The following LRP1B variants were observed in gnomAD, a reference collection of about 807,000 sequenced individuals.
LRP1B encodes low-density lipoprotein receptor-related protein 1B.
A neutral mutation model predicts 556.6 loss-of-function variants in LRP1B; 217 were observed. The observed-to-expected ratio is 0.39, with a 90% confidence interval of 0.35 to 0.44. LRP1B has a LOEUF of 0.44. Among genes scored for constraint, LRP1B ranks in the 20% least tolerant of loss-of-function variants. The probability of loss-of-function intolerance (pLI) is 1.00; values close to 1 mark genes in which losing one functional copy is unlikely to be tolerated. For missense variants in LRP1B, 5,053 were observed against 5,620.8 expected, an observed-to-expected ratio of 0.90 and a Z score of 3.23; for synonymous variants, 2,047 against 1,865.8, an observed-to-expected ratio of 1.10 and a Z score of -2.50.
intron 41 of LRP1B, among the ~76,000 whole-genome samples, chr2:140,657,671 A>G (rs570752568): frequency 3.8e-5 from 5 of 131,116 alleles, no homozygotes; most frequent in African/African-American, 1.4e-4. Flanking sequence ...ATATACATAC[A>G]TATATATATA....
chr2:141,448,993 C>T (rs1247655813), intron 3 of LRP1B, among the ~76,000 whole-genome samples: 1 of 152,164 alleles, frequency 6.6e-6, no homozygotes, highest in Non-Finnish European at 1.5e-5. Context: ...GAGCAATATG[C>T]TTTAAGAATC....
chr2:140,516,652 T>G (rs1689914651), intron 50 of LRP1B, among the ~76,000 whole-genome samples: 1 of 152,136 alleles, frequency 6.6e-6, no homozygotes, highest in Admixed American at 6.6e-5. Flanking sequence ...CTGATGGAAG[T>G]AATTATTCAA....
In LRP1B at chr2:140,541,111, G is replaced by T. The variant is rs2105017508; in HGVS notation, c.7388-13C>A. 1.3e-6 allele frequency: 2 copies of T among 1,598,668 alleles called. No homozygotes were observed. Among genetic ancestry groups the T allele is most frequent in the Non-Finnish European group, 1.7e-6 (2 of 1,168,906 alleles). ...GGAGAAAGTTCACCTACAATAAAGA[G>T]GGTGTATTGGTAACATTTTATATCG... On this transcript the variant is annotated splice_polypyrimidine_tract_variant and intron_variant, in intron 44 of 90. Coordinates refer to ENST00000389484, the MANE Select transcript of LRP1B (RefSeq NM_018557.3).
chr2:142,062,196 G>T (rs1297391940), intron 1 of LRP1B, among the ~76,000 whole-genome samples: 1 of 151,688 alleles, frequency 6.6e-6, no homozygotes, highest in African/African-American at 2.4e-5. Flanking sequence ...ATATTTCTGG[G>T]TCCCTTCCAC....
At chr2:140,717,255 C>T (rs2105466169) in intron 35 of LRP1B, among the ~76,000 whole-genome samples, 1 of 152,054 alleles carries the variant, frequency 6.6e-6, no homozygotes, top group Admixed American at 6.6e-5. Context: ...AACAAAACCT[C>T]AAAGTAGAGA....
rs180868234 is a variant in LRP1B at position 140,342,121 on chromosome 2, A to C, written c.11893-6283T>G. ...GTATTATATAACTATTTATTTGTGA[A>C]TTCATTTTGCCACATATAATTTATA... On this transcript the variant is annotated intron_variant, in intron 77 of 90. Transcript: ENST00000389484. Among the ~76,000 whole-genome samples the C allele has an allele frequency of 1.9e-3, 283 of 151,632 alleles. 1 individual carries two copies. The highest frequency in any genetic ancestry group is 6.5e-3 in the African/African-American group (268 of 41,480).
At chr2:140,591,376 C>G (rs1382515115) in intron 43 of LRP1B, among the ~76,000 whole-genome samples, 1 of 152,178 alleles carries the variant, frequency 6.6e-6, no homozygotes, top group Non-Finnish European at 1.5e-5. Context: ...CAGTTAGGTA[C>G]TCTGCTTCTT....
At chr2:141,286,015 C>T (rs1172171550) in intron 3 of LRP1B, among the ~76,000 whole-genome samples, 18 of 129,854 alleles carry the variant, frequency 1.4e-4, no homozygotes, top group African/African-American at 5.2e-4. Context: ...TGCAGTGAGC[C>T]AAGATCCCGC....
intron 18 of LRP1B, among the ~76,000 whole-genome samples, chr2:140,963,081 G>C (rs923295167): frequency 2.6e-5 from 4 of 152,224 alleles, no homozygotes; most frequent in Admixed American, 2.6e-4. Flanking sequence ...CTGACGTATT[G>C]GTTACATCTT....
At chr2:140,397,135 T>C (rs999244643) in intron 66 of LRP1B, among the ~76,000 whole-genome samples, 3 of 152,170 alleles carry the variant, frequency 2.0e-5, no homozygotes, top group Non-Finnish European at 2.9e-5. Context: ...TTATCTGTTT[T>C]TATTTTTAAT....
intron 2 of LRP1B, among the ~76,000 whole-genome samples, chr2:141,505,090 CCTCTCT>C (rs35936327): frequency 2.6e-4 from 39 of 151,074 alleles, no homozygotes; most frequent in Admixed American, 7.9e-4. Flanking sequence ...ATAAATCCCT[CCTCTCT>C]CTCTCTATCT....
At chr2:141,535,645 A>C (rs902296956) in intron 2 of LRP1B, among the ~76,000 whole-genome samples, 4 of 152,082 alleles carry the variant, frequency 2.6e-5, no homozygotes, top group African/African-American at 9.7e-5. Flanking sequence ...GAAATGAAGG[A>C]TCTTTCCTGG....
At chr2:140,322,154 A>G in intron 81 of LRP1B, 66 bp from the exon 82 acceptor site, 1 of 1,457,504 alleles carries the variant, frequency 6.9e-7, no homozygotes. Context: ...AAAGCATAAA[A>G]TTAAATAAGG....
At chr2:142,084,649 C>G (rs1705842018) in intron 1 of LRP1B, among the ~76,000 whole-genome samples, 1 of 152,080 alleles carries the variant, frequency 6.6e-6, no homozygotes, top group Admixed American at 6.6e-5. Flanking sequence ...CTCCCCAAAC[C>G]CTCTTATCCA....
chr2:142,115,838 TGTA>T lies in LRP1B; in HGVS notation c.82+14807_82+14809del, dbSNP rs1559080604. On this transcript the variant is annotated intron_variant, in intron 1 of 90. Transcript: ENST00000389484. ...ATATATGTAATATATATCATATATA[TGTA>T]ATATATATATATACATATATATATA... 3.9e-3 allele frequency among the ~76,000 whole-genome samples: 22 copies of T among 5,634 alleles called. 5 individuals are homozygous for T. The highest frequency in any genetic ancestry group is 0.083 in the East Asian group (1 of 12). 3.7% of individuals were successfully genotyped at this position (5,634 alleles called of 152,430 possible).
At chr2:140,327,329 T>C (rs1484958945) in intron 79 of LRP1B, among the ~76,000 whole-genome samples, 2 of 152,140 alleles carry the variant, frequency 1.3e-5, no homozygotes, top group South Asian at 4.1e-4. Flanking sequence ...AGCTCACATG[T>C]AATCGAACTA....
At chr2:140,862,385 A>G (rs1692825728) in intron 27 of LRP1B, among the ~76,000 whole-genome samples, 1 of 152,172 alleles carries the variant, frequency 6.6e-6, no homozygotes, top group Non-Finnish European at 1.5e-5. Context: ...CATTTCCCAT[A>G]TGACTGCTTT....
At chr2:141,757,270 T>C (rs573411770) in intron 2 of LRP1B, among the ~76,000 whole-genome samples, 1 of 152,316 alleles carries the variant, frequency 6.6e-6, no homozygotes, top group Non-Finnish European at 1.5e-5. Flanking sequence ...ATTGGTAATT[T>C]GATGCCACAT....
intron 3 of LRP1B, among the ~76,000 whole-genome samples, chr2:141,298,884 G>T (rs999973087): frequency 6.6e-6 from 1 of 150,876 alleles, no homozygotes; most frequent in South Asian, 2.1e-4. Context: ...AACCTGACAG[G>T]CAGAGGTTGC....
Sources: gnomAD v4.1 joint callset for allele counts (sites outside exome capture counted in the v4.1 genomes callset) on GRCh38, gnomAD v4.1.1 for gene constraint, MANE v1.5 for transcripts, NCBI Gene and HGNC (gene_info 2026-07-23, HGNC 2026-07-21) for gene names.